The following FANK1 variants were observed in gnomAD, a reference collection of about 807,000 sequenced individuals.
FANK1 encodes the protein fibronectin type 3 and ankyrin repeat domains protein 1.
FANK1 carries 44 observed loss-of-function variants against 45.3 expected under a neutral mutation model. The observed-to-expected ratio is 0.97, with a 90% CI of 0.76 to 1.25. The LOEUF (loss-of-function observed/expected upper bound fraction) is 1.25. Ranked by LOEUF, FANK1 falls within the 50% of genes most tolerant of loss-of-function variation. FANK1 has a pLI of 0.00. For synonymous variants in FANK1, 149 were observed against 152.5 expected (o/e 0.98, Z 0.17); for missense variants, 391 against 424.4 (o/e 0.92, Z 0.69).
At chr10:125,931,124 C>CACG (rs1947726873) in intron 1 of FANK1, among the ~76,000 whole-genome samples, 1 of 152,172 alleles carries the variant, frequency 6.6e-6, no homozygotes, top group South Asian at 2.1e-4. Flanking sequence ...GATTGATGGG[C>CACG]ATTTGGGTTG....
chr10:125,988,525 C>T (rs1323613203), intron 2 of FANK1, 26 bp from the exon 3 acceptor site: 1 of 1,610,532 alleles, frequency 6.2e-7, no homozygotes, highest in South Asian at 1.1e-5. Context: ...CTGGTGTTAT[C>T]AGCATGTTTG....
chr10:125,945,449 G>A (rs1390947495), intron 1 of FANK1, among the ~76,000 whole-genome samples: 1 of 152,234 alleles, frequency 6.6e-6, no homozygotes, highest in African/African-American at 2.4e-5. Flanking sequence ...GAAGCGCAAG[G>A]GGTCAGGGAG....
intron 1 of FANK1, among the ~76,000 whole-genome samples, chr10:125,977,285 G>A (rs2134198053): frequency 6.6e-6 from 1 of 152,194 alleles, no homozygotes; most frequent in Non-Finnish European, 1.5e-5. Flanking sequence ...GTTTTCACTG[G>A]GCTGATGCTT....
chr10:125,976,644 A>G (rs866374372), intron 1 of FANK1, among the ~76,000 whole-genome samples: 1 of 150,834 alleles, frequency 6.6e-6, no homozygotes, highest in Non-Finnish European at 1.5e-5. Context: ...TTTCCCTGAG[A>G]CGGAATCTCG....
At chr10:125,922,319 A>G (rs1416940515) in intron 1 of FANK1, among the ~76,000 whole-genome samples, 13 of 152,248 alleles carry the variant, frequency 8.5e-5, no homozygotes, top group African/African-American at 2.9e-4. Context: ...TTTATGACCC[A>G]GAATATGATC....
At chr10:125,948,703 G>A (rs1028500404) in intron 1 of FANK1, among the ~76,000 whole-genome samples, 3 of 152,156 alleles carry the variant, frequency 2.0e-5, no homozygotes, top group African/African-American at 7.2e-5. Flanking sequence ...AACTGAACTG[G>A]TACCATTCCT....
At chr10:125,980,977 T>G (rs750402682) in intron 2 of FANK1, 1 of 152,254 alleles carries the variant, frequency 6.6e-6, no homozygotes, top group Non-Finnish European at 1.5e-5. Flanking sequence ...CACATAGCAT[T>G]TAGCTCTGTT....
intron 1 of FANK1, among the ~76,000 whole-genome samples, chr10:125,918,410 G>A (rs367910928): frequency 3.9e-5 from 6 of 152,142 alleles, no homozygotes; most frequent in South Asian, 2.1e-4. Flanking sequence ...ACAAAAATTC[G>A]CTAGGTGTGG....
At chr10:125,975,523 A>G (rs910430995) in intron 1 of FANK1, among the ~76,000 whole-genome samples, 8 of 152,138 alleles carry the variant, frequency 5.3e-5, no homozygotes, top group Non-Finnish European at 2.9e-5. Context: ...CTTTTTAATA[A>G]TGGCCATTCT....
chr10:125,968,083 T>C lies in FANK1; in HGVS notation c.14-12078T>C, dbSNP rs549796862. Among the ~76,000 whole-genome samples, 481 of 152,026 alleles carry C rather than the reference T, an allele frequency of 3.2e-3. 1 individual carries two copies. Among genetic ancestry groups the C allele is most frequent in the African/African-American group, 0.011 (473 of 41,464 alleles). On this transcript the variant is annotated intron_variant, in intron 1 of 10. Coordinates refer to ENST00000368693, the MANE Select transcript of FANK1 (RefSeq NM_145235.5). ...CTTACAGTTATTTTAATTTCTTCTT[T>C]TTTTTTTTTCTTTCTGAGACAGGGT...
chr10:126,005,205 G>A (rs561093538), intron 7 of FANK1, among the ~76,000 whole-genome samples, 156 bp downstream of exon 7: 1 of 152,236 alleles, frequency 6.6e-6, no homozygotes, highest in African/African-American at 2.4e-5. Context: ...ACCTTAGAAT[G>A]GACATGAGAG....
intron 1 of FANK1, among the ~76,000 whole-genome samples, chr10:125,948,067 G>A (rs1948938803): frequency 6.7e-6 from 1 of 149,104 alleles, no homozygotes; most frequent in African/African-American, 2.5e-5. Context: ...TGAAACCAAC[G>A]AGAACAAAGA....
chr10:125,941,542 A>G (rs962844471), intron 1 of FANK1, among the ~76,000 whole-genome samples: 2 of 152,222 alleles, frequency 1.3e-5, no homozygotes, highest in African/African-American at 4.8e-5. Context: ...AATAGATTTC[A>G]CTGCTATGTC....
At chr10:125,975,738 T>G (rs539829840) in intron 1 of FANK1, among the ~76,000 whole-genome samples, 1 of 152,306 alleles carries the variant, frequency 6.6e-6, no homozygotes, top group Admixed American at 6.5e-5. Flanking sequence ...TTTTCTCCCA[T>G]TCTGTGCCTT....
At chr10:125,995,524 T>C in intron 4 of FANK1, 26 bp downstream of exon 4, 5 of 1,602,324 alleles carry the variant, frequency 3.1e-6, no homozygotes, top group Non-Finnish European at 4.3e-6. Context: ...CAGTTGTTTT[T>C]TTTCCCCCAT....
chr10:125,902,377 C>T (rs1306294692), intron 1 of FANK1, among the ~76,000 whole-genome samples: 1 of 152,170 alleles, frequency 6.6e-6, no homozygotes, highest in Non-Finnish European at 1.5e-5. Flanking sequence ...CGGAGTAAAC[C>T]CTAAACATTC....
intron 6 of FANK1, among the ~76,000 whole-genome samples, chr10:126,002,724 C>A (rs1952861851): frequency 6.7e-6 from 1 of 149,610 alleles, no homozygotes; most frequent in African/African-American, 2.5e-5. Flanking sequence ...TACCCCCCAC[C>A]TAGGCTTGGC....
chr10:125,919,809 ACT>A (rs1946814819), intron 1 of FANK1, among the ~76,000 whole-genome samples: 1 of 151,814 alleles, frequency 6.6e-6, no homozygotes, highest in Non-Finnish European at 1.5e-5. Context: ...CAGCCCAAAA[ACT>A]CTAGATGATT....
chr10:125,947,339 A>G (rs1379836200), intron 1 of FANK1, among the ~76,000 whole-genome samples: 1 of 150,080 alleles, frequency 6.7e-6, no homozygotes, highest in Non-Finnish European at 1.5e-5. Flanking sequence ...AAGAGTCAAG[A>G]CCCATCAGTG....
Sources: allele counts gnomAD v4.1 joint callset (sites outside exome capture counted in the v4.1 genomes callset), GRCh38; gene constraint gnomAD v4.1.1; transcripts MANE v1.5; gene names NCBI Gene and HGNC (gene_info 2026-07-23, HGNC 2026-07-21).